TUBGCP4: variants seen among roughly 807,000 people sequenced by gnomAD.
The protein encoded by TUBGCP4 is gamma-tubulin complex component 4.
Under a neutral mutation model 91.6 loss-of-function variants are expected in TUBGCP4, and 54 were observed. The ratio of observed to expected loss-of-function variants is 0.59; its 90% confidence interval spans 0.47 to 0.74. TUBGCP4 has a LOEUF of 0.74. Ranked by LOEUF, TUBGCP4 falls within the 30% of genes least tolerant of loss-of-function variation. TUBGCP4 has a pLI of 0.00. For missense variants in TUBGCP4, 593 were observed against 800.9 expected, an observed-to-expected ratio of 0.74 and a Z score of 3.13; for synonymous variants, 297 against 302.8, an observed-to-expected ratio of 0.98 and a Z score of 0.20.
At position 43,404,939 on chromosome 15, in the gene TUBGCP4, T is replaced by C. The variant is rs749853672; in HGVS notation, c.1989-263T>C. 2.5e-5 allele frequency: 13 copies of C among 528,200 alleles called. No individual in the cohort carries two copies. The South Asian group carries it at 3.1e-4, about 13-fold the overall frequency. 32.7% of individuals were successfully genotyped at this position (528,200 alleles called of 1,614,324 possible). A position where few individuals can be genotyped will look rare whatever the true frequency, so the allele number is the denominator to read the frequency against. Reference sequence around the variant, plus strand: ...GACCACCCCTTCTAACTCTAAACTTTAAAAAAAACTGATACCGAGATTCAG... The same window carrying C: ...GACCACCCCTTCTAACTCTAAACTTCAAAAAAAACTGATACCGAGATTCAG... On this transcript the variant is annotated intron_variant, in intron 17 of 17. Coordinates refer to ENST00000564079, the MANE Select transcript of TUBGCP4 (RefSeq NM_014444.5).
chr15:43,392,075 T>TACACACACACACACACACACACAC (rs3986231), intron 9 of TUBGCP4, among the ~76,000 whole-genome samples: 1 of 133,108 alleles, frequency 7.5e-6, no homozygotes, highest in Non-Finnish European at 1.6e-5. Context: ...AAAATAGAGA[T>TACACACACACACACACACACACAC]ACACACACAC....
chr15:43,385,833 C>T lies in TUBGCP4; in HGVS notation c.766C>T (p.Gln256Ter), dbSNP rs1485651765. 3 of 1,614,172 alleles carry T rather than the reference C, an allele frequency of 1.9e-6. No homozygotes were observed. Among genetic ancestry groups the T allele is most frequent in the South Asian group, 2.2e-5 (2 of 91,080 alleles). The stretch of plus-strand genomic sequence containing the variant: ...GAACATGCTGGCACCATCTCTGAAG[C>T]AGTTTTCCCTACGAGTGGAGATTTT... ...EENMLAPSLK[Q>*]FSLRVEILPS... The change falls in exon 8 of 18, where the codon CAG becomes TAG. Residue 256 changes from glutamine (Q) to a stop codon, truncating the protein, a stop_gained. Transcript: ENST00000564079. LOFTEE classifies it high-confidence loss of function.
In TUBGCP4 at chr15:43,408,753, C is replaced by G; in HGVS notation, c.*3539C>G. 1 of 762,952 alleles carries G rather than the reference C, an allele frequency of 1.3e-6. No homozygotes were observed. The highest frequency in any genetic ancestry group is 2.1e-6 in the Non-Finnish European group (1 of 474,496). 47.3% of individuals were successfully genotyped at this position (762,952 alleles called of 1,614,324 possible). On this transcript the variant is annotated 3_prime_UTR_variant, in exon 18 of 18. Transcript: ENST00000564079. ...CCTAGGGAAATAAACTAGATAAACT[C>G]CTGAAGTCATTTCAAACCCACTCAA...
intron 12 of TUBGCP4, among the ~76,000 whole-genome samples, 182 bp from the exon 13 acceptor site, chr15:43,397,859 G>A (rs1178607288): frequency 4.6e-5 from 7 of 152,086 alleles, no homozygotes; most frequent in South Asian, 2.1e-4. Context: ...CTACAAGTGC[G>A]TGCCACCATG....
rs2248175 is a variant in TUBGCP4 at position 43,395,517 on chromosome 15, T to C, written c.1066-66T>C. ...ATTAGAAATTACTGTATACATGTAA[T>C]TCCTCAGGACAGTGAGGAGCTCCTG... On this transcript the variant is annotated intron_variant, in intron 10 of 17. Coordinates refer to ENST00000564079, the MANE Select transcript of TUBGCP4 (RefSeq NM_014444.5). 4 of 1,151,492 alleles carry C rather than the reference T, an allele frequency of 3.5e-6. No homozygotes were observed. The African/African-American group carries it at 6.1e-5, about 18-fold the overall frequency. 71.3% of individuals were successfully genotyped at this position (1,151,492 alleles called of 1,614,324 possible).
intron 9 of TUBGCP4, among the ~76,000 whole-genome samples, chr15:43,393,650 T>A (rs926046305): frequency 1.3e-5 from 2 of 151,868 alleles, no homozygotes; most frequent in African/African-American, 2.4e-5. Context: ...CCTGTGTCCG[T>A]GTGTTCTCAT....
Position 43,408,135 on chromosome 15 carries a change from A to G in TUBGCP4, c.*2921A>G. The G allele has an allele frequency of 6.3e-7, 1 of 1,586,062 alleles. No individual in the cohort carries two copies. The highest frequency in any genetic ancestry group is 8.6e-7 in the Non-Finnish European group (1 of 1,163,586). ...ACCTTAGCATGACAAGTAATATCCA[A>G]CAAACTGCCTTTCTGCAAAGGGACT... On this transcript the variant is annotated 3_prime_UTR_variant, in exon 18 of 18. Coordinates refer to ENST00000564079, the MANE Select transcript of TUBGCP4 (RefSeq NM_014444.5).
chr15:43,397,834 CCT>C lies in TUBGCP4; in HGVS notation c.1280-206_1280-205del, dbSNP rs954488676. Among the ~76,000 whole-genome samples the C allele has an allele frequency of 9.9e-5, 15 of 152,262 alleles. 1 individual carries two copies. Among genetic ancestry groups the C allele is most frequent in the East Asian group, 3.9e-4 (2 of 5,184 alleles). On this transcript the variant is annotated intron_variant, in intron 12 of 17. Coordinates refer to ENST00000564079, the MANE Select transcript of TUBGCP4 (RefSeq NM_014444.5). ...CAAACAATTCTCATGCCTCAGCCCC[CCT>C]GAGTAGCTGGGACTACAAGTGCGTG...
intron 13 of TUBGCP4, chr15:43,399,290 C>T (rs1201906214): frequency 7.4e-6 from 3 of 406,812 alleles, no homozygotes; most frequent in Non-Finnish European, 1.2e-5. Context: ...GAGCGGGAGT[C>T]TGTCTCAGAG....
rs1368423789 is a variant in TUBGCP4, at chr15:43,389,360, A to C, written c.1014+3030A>C. On this transcript the variant is annotated intron_variant, in intron 9 of 17. Transcript: ENST00000564079. ...TCAGTTGTTCTAAGTAGATGATCAT[A>C]CTATCTGCAAATGAGAGAACTTTCC... is the stretch of plus-strand genomic sequence containing the variant. Among the ~76,000 whole-genome samples, 4 of 152,142 alleles carry C rather than the reference A, an allele frequency of 2.6e-5. No homozygotes were observed. The East Asian group carries it at 7.7e-4, about 29-fold the overall frequency.
intron 9 of TUBGCP4, among the ~76,000 whole-genome samples, chr15:43,388,402 G>A (rs2044415807): frequency 6.6e-6 from 1 of 152,154 alleles, no homozygotes; most frequent in Admixed American, 6.5e-5. Context: ...TCTTAAAATG[G>A]CTGTGAAGTA....
At chr15:43,393,590 TC>T (rs1330982678) in intron 9 of TUBGCP4, among the ~76,000 whole-genome samples, 2 of 151,916 alleles carry the variant, frequency 1.3e-5, no homozygotes, top group African/African-American at 2.4e-5. Context: ...ATGCTATCCC[TC>T]CCCGGTCCCC....
chr15:43,394,817 G>A, intron 9 of TUBGCP4: 2 of 422,806 alleles, frequency 4.7e-6, no homozygotes, highest in South Asian at 5.0e-5. Context: ...TGCCATGATT[G>A]TAAGTTTCCT....
At chr15:43,377,760 C>A in intron 4 of TUBGCP4, 87 bp from the exon 5 acceptor site, 1 of 1,081,908 alleles carries the variant, frequency 9.2e-7, no homozygotes. Context: ...TTAAGTTGAA[C>A]TATTTAGAAA....
At chr15:43,374,280 A>G (rs1358810728) in intron 1 of TUBGCP4, among the ~76,000 whole-genome samples, 1 of 152,202 alleles carries the variant, frequency 6.6e-6, no homozygotes, top group Non-Finnish European at 1.5e-5. Flanking sequence ...AAAATGGTAC[A>G]GCCATTGTGG....
chr15:43,408,614 G>C lies in TUBGCP4; in HGVS notation c.*3400G>C, dbSNP rs2045005945. 2.4e-6 allele frequency: 1 copy of C among 414,692 alleles called. No homozygotes were observed. Among genetic ancestry groups the C allele is most frequent in the Non-Finnish European group, 4.5e-6 (1 of 224,208 alleles). 25.7% of individuals were successfully genotyped at this position (414,692 alleles called of 1,614,324 possible). ...AGAATAATCCAAATCATGCTCCTGA[G>C]CCTATATATTTTTAATGCTTGCTTA... On this transcript the variant is annotated 3_prime_UTR_variant, in exon 18 of 18. Coordinates refer to ENST00000564079, the MANE Select transcript of TUBGCP4 (RefSeq NM_014444.5).
rs755646036 is a variant in TUBGCP4, at chr15:43,383,380, A to T, written c.599A>T (p.His200Leu). ...WMLHGLLLDQHEEFFIKQGPS... is the reference protein window; with the variant it reads ...WMLHGLLLDQLEEFFIKQGPS... Reference sequence around the variant, plus strand: ...CTCCATGGACTCCTCTTGGACCAGCATGAAGAATTCTTTATCAAACAGGGG... The same window carrying T: ...CTCCATGGACTCCTCTTGGACCAGCTTGAAGAATTCTTTATCAAACAGGGG... Residue 200 changes from histidine (H) to leucine (L), a missense_variant, in exon 7 of 18, where the codon CAT becomes CTT. Coordinates refer to ENST00000564079, the MANE Select transcript of TUBGCP4 (RefSeq NM_014444.5). The T allele has an allele frequency of 6.2e-7, 1 of 1,614,218 alleles. No homozygotes were observed. The highest frequency in any genetic ancestry group is 8.5e-7 in the Non-Finnish European group (1 of 1,180,036).
chr15:43,378,879 C>G (rs761259612), intron 5 of TUBGCP4, among the ~76,000 whole-genome samples: 3 of 152,188 alleles, frequency 2.0e-5, no homozygotes, highest in Non-Finnish European at 2.9e-5. Context: ...GGTTTATATC[C>G]CAGCTCTATC....
intron 12 of TUBGCP4, among the ~76,000 whole-genome samples, chr15:43,397,807 T>C (rs1182471479): frequency 6.6e-6 from 1 of 152,130 alleles, no homozygotes; most frequent in Non-Finnish European, 1.5e-5. Flanking sequence ...GCCTTCCAGG[T>C]TCAAACAATT....
Sources: gnomAD v4.1 joint callset for allele counts (sites outside exome capture counted in the v4.1 genomes callset) on GRCh38, gnomAD v4.1.1 for gene constraint, MANE v1.5 for transcripts, NCBI Gene and HGNC (gene_info 2026-07-23, HGNC 2026-07-21) for gene names.